NLGN4X: variants seen among roughly 807,000 people sequenced by gnomAD.
NLGN4X encodes the protein neuroligin 4 X-linked, also known as neuroligin-4, X-linked.
NLGN4X carries 3 observed loss-of-function variants against 40.3 expected under a neutral mutation model. The observed-to-expected ratio is 0.07, with a 90% confidence interval of 0.03 to 0.19. The LOEUF is 0.19. Among genes scored for constraint, NLGN4X ranks in the 10% least tolerant of loss-of-function variants. The pLI is 1.00. For missense variants in NLGN4X, 382 were observed against 708.3 expected, an observed-to-expected ratio of 0.54 and a Z score of 5.23; for synonymous variants, 270 against 306.8, an observed-to-expected ratio of 0.88 and a Z score of 1.25.
chrX:6,070,805 AAG>A (rs1441429403), intron 2 of NLGN4X, among the ~76,000 whole-genome samples: 1 of 111,423 alleles, frequency 9.0e-6, no homozygotes, highest in African/African-American at 3.3e-5. Context: ...ACATGGTGGG[AAG>A]AGAGAGAAGA....
chrX:6,040,433 G>A (rs1376828747), intron 2 of NLGN4X, among the ~76,000 whole-genome samples: 2 of 104,203 alleles, frequency 1.9e-5, no homozygotes, highest in Admixed American at 1.1e-4. Flanking sequence ...AAATGCATAA[G>A]TATTATAATT....
At chrX:6,003,729 G>A (rs1251237043) in intron 3 of NLGN4X, among the ~76,000 whole-genome samples, 8 of 110,379 alleles carry the variant, frequency 7.2e-5, no homozygotes, top group Non-Finnish European at 1.1e-4. Context: ...AAAAACTTGC[G>A]TGCCATGAGT....
At chrX:6,186,139 C>T (rs1921989717) in intron 1 of NLGN4X, among the ~76,000 whole-genome samples, 1 of 112,315 alleles carries the variant, frequency 8.9e-6, no homozygotes. Flanking sequence ...AAGATGATCA[C>T]CATGAATTGC....
chrX:6,122,741 C>A (rs1179374211), intron 2 of NLGN4X, among the ~76,000 whole-genome samples: 2 of 108,080 alleles, frequency 1.9e-5, no homozygotes, highest in Non-Finnish European at 3.8e-5. Context: ...CAGATCCCTC[C>A]AATGGACAGA....
At chrX:5,979,956 C>A (rs866335465) in intron 3 of NLGN4X, among the ~76,000 whole-genome samples, 1 of 94,678 alleles carries the variant, frequency 1.1e-5, no homozygotes. Flanking sequence ...ATATAAAAAA[C>A]ACAGTATTTT....
In NLGN4X at chrX:6,067,107, C is replaced by A. The variant is rs1231707829; in HGVS notation, c.473-37675G>T. ...CTGGGCAACAGAGTGAGATACAGTC[C>A]CCCCCCCAAAACAAAATTAAATAAA... On this transcript the variant is annotated intron_variant, in intron 2 of 5. Transcript: ENST00000381095. Among the ~76,000 whole-genome samples, 3 of 107,020 alleles carry A rather than the reference C, an allele frequency of 2.8e-5. No individual in the cohort carries two copies. The East Asian group carries it at 8.8e-4, about 31-fold the overall frequency. 92.9% of individuals were successfully genotyped at this position (107,020 alleles called of 115,157 possible).
chrX:6,060,206 T>C (rs947642745), intron 2 of NLGN4X, among the ~76,000 whole-genome samples: 6 of 112,160 alleles, frequency 5.3e-5, no homozygotes, highest in African/African-American at 9.7e-5. Context: ...ATCATAGACA[T>C]ACAAGCCCTC....
chrX:5,964,112 G>A (rs1253427817), intron 3 of NLGN4X, among the ~76,000 whole-genome samples: 1 of 111,638 alleles, frequency 9.0e-6, no homozygotes, highest in African/African-American at 3.3e-5. Flanking sequence ...ACTGGAGCCA[G>A]TCAGGGGTGG....
At chrX:5,989,184 G>A (rs1309014684) in intron 3 of NLGN4X, among the ~76,000 whole-genome samples, 1 of 111,744 alleles carries the variant, frequency 8.9e-6, no homozygotes, top group Non-Finnish European at 1.9e-5. Flanking sequence ...GTTATACAAT[G>A]TGGTCACTGA....
chrX:5,928,036 C>T (rs994536624), intron 3 of NLGN4X, among the ~76,000 whole-genome samples: 1 of 111,905 alleles, frequency 8.9e-6, no homozygotes, highest in African/African-American at 3.2e-5. Flanking sequence ...CATTCCTACA[C>T]GCATCTGCAA....
At chrX:6,124,115 T>C (rs1379828400) in intron 2 of NLGN4X, among the ~76,000 whole-genome samples, 2 of 110,453 alleles carry the variant, frequency 1.8e-5, no homozygotes, top group African/African-American at 3.3e-5. Flanking sequence ...CAAACAAAAA[T>C]TGTAAATGTC....
chrX:6,105,211 C>T (rs1278062291), intron 2 of NLGN4X, among the ~76,000 whole-genome samples: 1 of 110,528 alleles, frequency 9.0e-6, no homozygotes, highest in Non-Finnish European at 1.9e-5. Context: ...TAGGTGTGCA[C>T]CACCATGCCC....
rs185483341 is a variant in NLGN4X, at chrX:5,943,218, G to C, written c.626-33979C>G. 2.5e-3 allele frequency among the ~76,000 whole-genome samples: 273 copies of C among 111,411 alleles called. 1 individual carries two copies. Among genetic ancestry groups the C allele is most frequent in the African/African-American group, 8.6e-3 (265 of 30,672 alleles). ...GAGGCCAGGAGTCAAGGAATGCTAC[G>C]GTTCTCAAGAAGCCAAAATTTGCCC... On this transcript the variant is annotated intron_variant, in intron 3 of 5. Coordinates refer to ENST00000381095, the MANE Select transcript of NLGN4X (RefSeq NM_181332.3).
At chrX:6,185,610 T>G (rs1438735357) in intron 1 of NLGN4X, among the ~76,000 whole-genome samples, 2 of 112,188 alleles carry the variant, frequency 1.8e-5, no homozygotes, top group Non-Finnish European at 3.8e-5. Context: ...AGGAACCCCC[T>G]GGTTTTAACT....
intron 1 of NLGN4X, among the ~76,000 whole-genome samples, chrX:6,164,752 C>T (rs897279896): frequency 5.4e-5 from 6 of 111,993 alleles, no homozygotes; most frequent in African/African-American, 1.9e-4. Flanking sequence ...CCAGCTCCAT[C>T]TCACAACCCT....
intron 1 of NLGN4X, among the ~76,000 whole-genome samples, chrX:6,217,597 C>A (rs1280162785): frequency 9.0e-6 from 1 of 111,588 alleles, no homozygotes; most frequent in African/African-American, 3.3e-5. Context: ...CTACCATGAA[C>A]CTAGATTGTC....
At position 6,114,288 on chromosome X, in the gene NLGN4X, CT is replaced by C. The variant is rs759252459; in HGVS notation, c.472+36706del. Among the ~76,000 whole-genome samples the C allele has an allele frequency of 5.4e-5, 6 of 111,491 alleles. No homozygotes were observed. In the East Asian group the frequency reaches 1.7e-3, roughly 31 times the overall value. The stretch of plus-strand genomic sequence containing the variant: ...ACTTAGTAGGATATTAGTCACTTTA[CT>C]TATTTAGTTTATTTTATACTTATGG... On this transcript the variant is annotated intron_variant, in intron 2 of 5. Coordinates refer to ENST00000381095, the MANE Select transcript of NLGN4X (RefSeq NM_181332.3).
Position 5,891,254 on chromosome X carries a change from C to T in NLGN4X, c.*1563G>A, listed in dbSNP as rs780158551. On this transcript the variant is annotated 3_prime_UTR_variant, in exon 6 of 6. Coordinates refer to ENST00000381095, the MANE Select transcript of NLGN4X (RefSeq NM_181332.3). ...TTCAATGTCTTCTCAGTGAAGTTAT[C>T]CTAATTTCCCAGAAAACCCATGCAA... The T allele has an allele frequency of 8.5e-6, 2 of 235,088 alleles. No individual in the cohort carries two copies. Among genetic ancestry groups the T allele is most frequent in the Admixed American group, 6.1e-5 (1 of 16,457 alleles). 19.4% of individuals were successfully genotyped at this position (235,088 alleles called of 1,213,427 possible).
intron 1 of NLGN4X, among the ~76,000 whole-genome samples, chrX:6,208,834 G>T (rs1289550492): frequency 3.6e-5 from 4 of 111,572 alleles, no homozygotes; most frequent in Non-Finnish European, 7.5e-5. Flanking sequence ...AGTCCTCAAA[G>T]AACTAAAAAT....
Sources: allele counts gnomAD v4.1 joint callset (sites outside exome capture counted in the v4.1 genomes callset), GRCh38; gene constraint gnomAD v4.1.1; transcripts MANE v1.5; gene names NCBI Gene and HGNC (gene_info 2026-07-23, HGNC 2026-07-21).